The following SCCPDH variants were observed in gnomAD, a reference collection of about 807,000 sequenced individuals.
The protein encoded by SCCPDH is saccharopine dehydrogenase (putative).
A neutral mutation model predicts 51.5 loss-of-function variants in SCCPDH; 34 were observed. The observed-to-expected ratio is 0.66, with a 90% CI of 0.50 to 0.88. The LOEUF (loss-of-function observed/expected upper bound fraction) is 0.88. SCCPDH is among the 40% of genes least tolerant of loss of function. The pLI, the probability that SCCPDH is intolerant of heterozygous loss-of-function variation, is 0.00. For missense variants in SCCPDH, 464 were observed against 527.1 expected (o/e 0.88, Z 1.17); for synonymous variants, 187 against 191.3 (o/e 0.98, Z 0.19).
chr1:246,739,564 T>C (rs987635390), intron 3 of SCCPDH, among the ~76,000 whole-genome samples: 3 of 152,226 alleles, frequency 2.0e-5, no homozygotes, highest in African/African-American at 7.2e-5. Context: ...CTGTGAACTT[T>C]AGTGAATTAA....
intron 2 of SCCPDH, among the ~76,000 whole-genome samples, chr1:246,734,683 A>T (rs1467251129): frequency 6.6e-6 from 1 of 152,178 alleles, no homozygotes; most frequent in Non-Finnish European, 1.5e-5. Context: ...GTGTCTTTTA[A>T]GTGTCCCTTG....
intron 3 of SCCPDH, among the ~76,000 whole-genome samples, chr1:246,737,637 G>A (rs1027331797): frequency 2.6e-5 from 4 of 151,882 alleles, no homozygotes; most frequent in Non-Finnish European, 5.9e-5. Context: ...TCTCACCCAG[G>A]CTGGAGTGCA....
chr1:246,731,125 T>G (rs1668484427), intron 2 of SCCPDH, among the ~76,000 whole-genome samples: 1 of 152,132 alleles, frequency 6.6e-6, no homozygotes, highest in Non-Finnish European at 1.5e-5. Context: ...TTGAGCCAAT[T>G]GGCCTCACAG....
intron 3 of SCCPDH, among the ~76,000 whole-genome samples, chr1:246,737,526 C>A (rs1005285077): frequency 6.6e-6 from 1 of 152,014 alleles, no homozygotes; most frequent in African/African-American, 2.4e-5. Context: ...TTTTAAATAA[C>A]CCAGAACATA....
chr1:246,747,723 C>T (rs1046935933), intron 5 of SCCPDH, among the ~76,000 whole-genome samples: 12 of 151,940 alleles, frequency 7.9e-5, no homozygotes, highest in East Asian at 3.9e-4. Context: ...AAGCTAATTC[C>T]GATTGGCTAT....
intron 9 of SCCPDH, 106 bp downstream of exon 9, chr1:246,760,333 C>A (rs1668994007): frequency 3.3e-6 from 3 of 919,354 alleles, no homozygotes; most frequent in Non-Finnish European, 3.3e-6. Context: ...CTTTTAAGTT[C>A]TTTATGTAAA....
At position 246,726,957 on chromosome 1, in the gene SCCPDH, G is replaced by T. The variant is rs374026669; in HGVS notation, c.256G>T (p.Asp86Tyr). The T allele has an allele frequency of 2.0e-5, 33 of 1,614,058 alleles. No homozygotes were observed. The highest frequency in any genetic ancestry group is 2.7e-5 in the Non-Finnish European group (32 of 1,180,002). ...ICDIANPASLDEMAKQATVVL... is the reference protein window; with the variant it reads ...ICDIANPASLYEMAKQATVVL... Reference sequence around the variant, plus strand: ...TGATATTGCTAATCCAGCCTCGCTTGATGAAATGGCTAAACAGGCAACAGT... The same window carrying T: ...TGATATTGCTAATCCAGCCTCGCTTTATGAAATGGCTAAACAGGCAACAGT... The change falls in exon 2 of 12, where the codon GAT becomes TAT. Residue 86 changes from aspartate (D) to tyrosine (Y), a missense_variant. Transcript: ENST00000366510.
Position 246,724,419 on chromosome 1 carries a change from C to G in SCCPDH, c.-4C>G. 4 of 1,565,298 alleles carry G rather than the reference C, an allele frequency of 2.6e-6. No homozygotes were observed. Among genetic ancestry groups the G allele is most frequent in the Non-Finnish European group, 3.5e-6 (4 of 1,159,156 alleles). On this transcript the variant is annotated 5_prime_UTR_variant, in exon 1 of 12. Transcript: ENST00000366510. ...CCGGGGCCTGGGCTCGCTGTGGACT[C>G]GTCATGGCGACCGAGCAGAGGCCTT...
At chr1:246,758,188 C>T in intron 5 of SCCPDH, 38 bp from the exon 6 acceptor site, 2 of 1,490,074 alleles carry the variant, frequency 1.3e-6, no homozygotes, top group Non-Finnish European at 1.8e-6. Flanking sequence ...TAGTAACTAC[C>T]CTTTCATGTT....
chr1:246,753,819 G>A (rs1046191606), intron 5 of SCCPDH, among the ~76,000 whole-genome samples: 4 of 151,920 alleles, frequency 2.6e-5, no homozygotes, highest in African/African-American at 7.3e-5. Context: ...CTTAACGCTC[G>A]TAGTGAGTGG....
chr1:246,751,385 A>T (rs1028649896), intron 5 of SCCPDH, among the ~76,000 whole-genome samples: 2 of 152,236 alleles, frequency 1.3e-5, no homozygotes, highest in African/African-American at 4.8e-5. Context: ...ACTTTAACCA[A>T]TATGTTTACA....
At chr1:246,740,104 TA>T (rs1054883961) in intron 3 of SCCPDH, 67 bp from the exon 4 acceptor site, 2 of 1,256,708 alleles carry the variant, frequency 1.6e-6, no homozygotes, top group Admixed American at 4.8e-5. Flanking sequence ...TTTTTAAAGA[TA>T]AATTATTTAA....
At chr1:246,764,115 A>C in intron 9 of SCCPDH, 131 bp from the exon 10 acceptor site, 1 of 571,140 alleles carries the variant, frequency 1.8e-6, no homozygotes, top group Non-Finnish European at 3.1e-6. Flanking sequence ...TGATGACGGG[A>C]TATTCTGGCA....
intron 9 of SCCPDH, among the ~76,000 whole-genome samples, chr1:246,760,974 A>G (rs1335203312): frequency 6.6e-6 from 1 of 152,058 alleles, no homozygotes; most frequent in Non-Finnish European, 1.5e-5. Flanking sequence ...ACCTCACTAA[A>G]ATAATTGAGA....
chr1:246,756,083 G>A (rs947528360), intron 5 of SCCPDH, among the ~76,000 whole-genome samples: 4 of 152,208 alleles, frequency 2.6e-5, no homozygotes, highest in Non-Finnish European at 5.9e-5. Context: ...TGATACGTTT[G>A]TGTACTTTTA....
intron 2 of SCCPDH, among the ~76,000 whole-genome samples, chr1:246,733,221 G>A (rs954917133): frequency 1.3e-5 from 2 of 151,854 alleles, no homozygotes; most frequent in African/African-American, 4.8e-5. Flanking sequence ...AAAGTAGCTG[G>A]GACTATAGAC....
chr1:246,763,199 C>T (rs1469430287), intron 9 of SCCPDH, among the ~76,000 whole-genome samples: 1 of 152,144 alleles, frequency 6.6e-6, no homozygotes, highest in African/African-American at 2.4e-5. Flanking sequence ...GTGAGGCCAT[C>T]CTAGACCCTT....
chr1:246,732,481 G>A (rs914451340), intron 2 of SCCPDH, among the ~76,000 whole-genome samples: 26 of 151,924 alleles, frequency 1.7e-4, no homozygotes, highest in East Asian at 1.2e-3. Flanking sequence ...TCCACCTCCC[G>A]GGTTCAAGCA....
chr1:246,739,023 GTT>G (rs1258604429), intron 3 of SCCPDH, among the ~76,000 whole-genome samples: 1 of 152,074 alleles, frequency 6.6e-6, no homozygotes, highest in Admixed American at 6.6e-5. Flanking sequence ...GACTTAATGT[GTT>G]TGTGTGTGCA....
Sources: allele counts gnomAD v4.1 joint callset (sites outside exome capture counted in the v4.1 genomes callset), GRCh38; gene constraint gnomAD v4.1.1; transcripts MANE v1.5; gene names NCBI Gene and HGNC (gene_info 2026-07-23, HGNC 2026-07-21).